DMRT1: variants seen among roughly 807,000 people sequenced by gnomAD.
DMRT1 encodes doublesex- and mab-3-related transcription factor 1.
DMRT1 carries 7 observed loss-of-function variants against 32.3 expected under a neutral mutation model. The observed-to-expected ratio is 0.22, with a 90% confidence interval of 0.12 to 0.41. The LOEUF is 0.41. DMRT1 is among the 10% of genes least tolerant of loss of function. DMRT1 has a pLI of 1.00. For synonymous variants in DMRT1, 278 were observed against 206.1 expected, an observed-to-expected ratio of 1.35 and a Z score of -2.99; for missense variants, 625 against 500.5, an observed-to-expected ratio of 1.25 and a Z score of -2.37.
At chr9:929,923 G>C (rs998989858) in intron 4 of DMRT1, among the ~76,000 whole-genome samples, 3 of 152,168 alleles carry the variant, frequency 2.0e-5, no homozygotes, top group South Asian at 2.1e-4. Context: ...GATAGTGAAA[G>C]GTCAGCGGTT....
At chr9:863,929 A>C (rs1015254383) in intron 2 of DMRT1, among the ~76,000 whole-genome samples, 3 of 152,050 alleles carry the variant, frequency 2.0e-5, no homozygotes, top group African/African-American at 7.2e-5. Flanking sequence ...TATTGTGGAG[A>C]TTGGCCCTTT....
chr9:917,901 G>A (rs954275650), intron 4 of DMRT1, among the ~76,000 whole-genome samples: 8 of 152,166 alleles, frequency 5.3e-5, no homozygotes, highest in Admixed American at 3.3e-4. Flanking sequence ...CAGAGAGGCC[G>A]AAGTACACAT....
chr9:862,525 G>A (rs1182747276), intron 2 of DMRT1, among the ~76,000 whole-genome samples: 1 of 151,400 alleles, frequency 6.6e-6, no homozygotes, highest in African/African-American at 2.4e-5. Flanking sequence ...GAGGGGGAGG[G>A]GGAGGGGGAG....
At chr9:858,466 C>T (rs906046194) in intron 2 of DMRT1, among the ~76,000 whole-genome samples, 1 of 152,170 alleles carries the variant, frequency 6.6e-6, no homozygotes, top group African/African-American at 2.4e-5. Flanking sequence ...GATCACCCCT[C>T]AGGTACCTAC....
chr9:956,663 AC>A (rs1306823645), intron 4 of DMRT1, among the ~76,000 whole-genome samples: 1 of 152,342 alleles, frequency 6.6e-6, no homozygotes, highest in East Asian at 1.9e-4. Context: ...TGTGTATTTT[AC>A]TACAATAAAA....
At chr9:864,793 C>T (rs1362019900) in intron 2 of DMRT1, among the ~76,000 whole-genome samples, 2 of 152,156 alleles carry the variant, frequency 1.3e-5, no homozygotes, top group Admixed American at 6.5e-5. Context: ...AGCCACCGTG[C>T]CCGCCAGCCA....
chr9:939,829 T>C (rs1481438062), intron 4 of DMRT1, among the ~76,000 whole-genome samples: 1 of 152,208 alleles, frequency 6.6e-6, no homozygotes. Context: ...GTTGTAGAAA[T>C]AGTCATTAAT....
Position 871,493 on chromosome 9 carries a change from C to A in DMRT1, c.539-22419C>A, listed in dbSNP as rs556288352. ...GACTACAGGCATGCGCCACCACGCCCGGCTAATTTTTTTTTTTTTTTTTTT... is the reference window on the plus strand; with the variant it reads ...GACTACAGGCATGCGCCACCACGCCAGGCTAATTTTTTTTTTTTTTTTTTT... On this transcript the variant is annotated intron_variant, in intron 2 of 4. Coordinates refer to ENST00000382276, the MANE Select transcript of DMRT1 (RefSeq NM_021951.3). Among the ~76,000 whole-genome samples, 144 of 141,430 alleles carry A rather than the reference C, an allele frequency of 1.0e-3. 1 individual carries two copies. The highest frequency in any genetic ancestry group is 3.5e-3 in the African/African-American group (132 of 37,370). 92.8% of individuals were successfully genotyped at this position (141,430 alleles called of 152,430 possible).
chr9:905,513 T>TGTGTGTGTGTGG (rs1418612091), intron 3 of DMRT1, among the ~76,000 whole-genome samples: 50 of 151,770 alleles, frequency 3.3e-4, no homozygotes, highest in African/African-American at 1.1e-3. Context: ...TGTGTGTGTG[T>TGTGTGTGTGTGG]GGCACTGCAG....
At chr9:862,310 G>A (rs1042614985) in intron 2 of DMRT1, among the ~76,000 whole-genome samples, 3 of 152,166 alleles carry the variant, frequency 2.0e-5, no homozygotes, top group Non-Finnish European at 4.4e-5. Flanking sequence ...GACCAGCCCC[G>A]CCAACACGGC....
At chr9:854,768 A>G (rs1277028474) in intron 2 of DMRT1, among the ~76,000 whole-genome samples, 1 of 108,306 alleles carries the variant, frequency 9.2e-6, no homozygotes, top group Admixed American at 9.7e-5. Context: ...GCAAAACAAA[A>G]CTCCTTTTTT....
intron 3 of DMRT1, among the ~76,000 whole-genome samples, chr9:896,285 CTTTTTTT>C (rs1195951813): frequency 1.2e-3 from 150 of 121,764 alleles, no homozygotes; most frequent in African/African-American, 3.3e-3. Flanking sequence ...CTTGTCTTTT[CTTTTTTT>C]TTTTTTTTTT....
At chr9:959,026 T>G (rs1197732771) in intron 4 of DMRT1, among the ~76,000 whole-genome samples, 2 of 152,274 alleles carry the variant, frequency 1.3e-5, no homozygotes, top group Non-Finnish European at 2.9e-5. Context: ...TTTCTCATAC[T>G]GCAAAATATC....
intron 4 of DMRT1, among the ~76,000 whole-genome samples, chr9:957,000 G>A (rs571996126): frequency 3.9e-5 from 6 of 152,064 alleles, no homozygotes; most frequent in Non-Finnish European, 2.9e-5. Flanking sequence ...GGTTTGTTAC[G>A]TCAGCATATT....
At chr9:874,143 C>G (rs1437168829) in intron 2 of DMRT1, among the ~76,000 whole-genome samples, 1 of 152,218 alleles carries the variant, frequency 6.6e-6, no homozygotes, top group Admixed American at 6.5e-5. Context: ...AATCTCTTTT[C>G]TCCTCATGTG....
intron 4 of DMRT1, among the ~76,000 whole-genome samples, chr9:930,180 A>G (rs554178905): frequency 4.0e-4 from 61 of 152,318 alleles, no homozygotes; most frequent in Admixed American, 2.4e-3. Flanking sequence ...TGTTACTTAC[A>G]TAGCTATAGA....
chr9:885,844 TCTGTAATGGA>T, intron 2 of DMRT1, among the ~76,000 whole-genome samples: 1 of 152,316 alleles, frequency 6.6e-6, no homozygotes, highest in Non-Finnish European at 1.5e-5. Flanking sequence ...GGTTGATAAT[TCTGTAATGGA>T]CTGTAAGGGA....
At chr9:886,954 A>G (rs922608664) in intron 2 of DMRT1, among the ~76,000 whole-genome samples, 7 of 152,180 alleles carry the variant, frequency 4.6e-5, no homozygotes, top group African/African-American at 1.7e-4. Context: ...TGCTTATTCT[A>G]TGATCACTCA....
intron 2 of DMRT1, among the ~76,000 whole-genome samples, chr9:865,944 A>G (rs532145865): frequency 4.6e-5 from 7 of 152,118 alleles, no homozygotes; most frequent in African/African-American, 1.4e-4. Context: ...TGGGCGGATC[A>G]CCTAAGGTCA....
Sources: allele counts gnomAD v4.1 joint callset (sites outside exome capture counted in the v4.1 genomes callset), GRCh38; gene constraint gnomAD v4.1.1; transcripts MANE v1.5; gene names NCBI Gene and HGNC (gene_info 2026-07-23, HGNC 2026-07-21).